Variants in PCDHGB1 observed in about 807,000 individuals in gnomAD.
The protein encoded by PCDHGB1 is protocadherin gamma-B1.
Under a neutral mutation model 56.6 loss-of-function variants are expected in PCDHGB1, and 34 were observed. The ratio of observed to expected loss-of-function variants is 0.60; its 90% CI spans 0.46 to 0.80. The LOEUF is 0.80. Ranked by LOEUF, PCDHGB1 falls within the 30% of genes least tolerant of loss-of-function variation. PCDHGB1 has a pLI of 0.00. For synonymous variants in PCDHGB1, 561 were observed against 505.9 expected (o/e 1.11, Z -1.46); for missense variants, 1,278 against 1,204.6 (o/e 1.06, Z -0.90).
intron 1 of PCDHGB1, chr5:141,392,075 TG>T (rs2092461871): frequency 6.6e-6 from 1 of 152,236 alleles, no homozygotes. Context: ...GTAATTCAAG[TG>T]GCATTTAGAA....
chr5:141,372,491 C>A (rs1413236125), intron 1 of PCDHGB1: 2 of 1,613,944 alleles, frequency 1.2e-6, no homozygotes, highest in Non-Finnish European at 1.7e-6. Flanking sequence ...TGGCCTTGAT[C>A]TCAGTGCTCT....
chr5:141,399,515 C>A, intron 1 of PCDHGB1: 13 of 1,614,040 alleles, frequency 8.1e-6, no homozygotes, highest in Non-Finnish European at 1.1e-5. Flanking sequence ...AACAACCCTC[C>A]TGGGGCCTCC....
intron 1 of PCDHGB1, chr5:141,399,654 G>A (rs2093857278): frequency 1.2e-6 from 2 of 1,613,586 alleles, no homozygotes. Flanking sequence ...AAAGTGGGGT[G>A]GTGTTCGCGC....
chr5:141,451,205 C>G (rs1023049434), intron 1 of PCDHGB1, among the ~76,000 whole-genome samples: 2 of 152,142 alleles, frequency 1.3e-5, no homozygotes, highest in African/African-American at 4.8e-5. Flanking sequence ...TATCCCAAAA[C>G]TTAGTGGCTT....
At chr5:141,354,157 A>C (rs977165486) in intron 1 of PCDHGB1, among the ~76,000 whole-genome samples, 1 of 152,244 alleles carries the variant, frequency 6.6e-6, no homozygotes, top group African/African-American at 2.4e-5. Context: ...TGTCATGTGA[A>C]AAAATCACTA....
chr5:141,487,467 T>C lies in PCDHGB1; in HGVS notation c.2410-7340T>C. ...GATGACCCTATCAAGTTTGTTGATG[T>C]GGGAGGCCACTCTCATGGCTGTACA... On this transcript the variant is annotated intron_variant, in intron 1 of 3. Transcript: ENST00000523390. The surrounding 1 kb of genome is among the most constrained non-coding windows in gnomAD (Gnocchi z 5.0). 6.2e-7 allele frequency: 1 copy of C among 1,614,186 alleles called. No individual in the cohort carries two copies. The highest frequency in any genetic ancestry group is 8.5e-7 in the Non-Finnish European group (1 of 1,180,026).
At chr5:141,356,392 T>C (rs1760208975) in intron 1 of PCDHGB1, 1 of 1,577,696 alleles carries the variant, frequency 6.3e-7, no homozygotes, top group Non-Finnish European at 8.6e-7. Context: ...TGAAAAGACC[T>C]ATGGAAATTA....
intron 1 of PCDHGB1, chr5:141,361,490 T>C (rs775139870): frequency 6.2e-7 from 1 of 1,613,998 alleles, no homozygotes; most frequent in Non-Finnish European, 8.5e-7. Context: ...GCCCCAGTTT[T>C]CCAACAGACT....
chr5:141,393,480 T>A (rs1026854698), intron 1 of PCDHGB1: 1 of 1,614,062 alleles, frequency 6.2e-7, no homozygotes, highest in Non-Finnish European at 8.5e-7. Context: ...GCCGCCTCGC[T>A]CTAGCACAGT....
At chr5:141,447,263 C>A (rs953578064) in intron 1 of PCDHGB1, among the ~76,000 whole-genome samples, 1 of 152,116 alleles carries the variant, frequency 6.6e-6, no homozygotes, top group Non-Finnish European at 1.5e-5. Context: ...TCTCAGCCTC[C>A]CAAGTAGCTG....
In PCDHGB1 at chr5:141,477,825, C is replaced by A; in HGVS notation, c.2410-16982C>A. The A allele has an allele frequency of 2.5e-6, 4 of 1,614,174 alleles. No individual in the cohort carries two copies. The South Asian group carries it at 4.4e-5, about 18-fold the overall frequency. On this transcript the variant is annotated intron_variant, in intron 1 of 3. Transcript: ENST00000523390. This position sits in a 1 kb window ranked among gnomAD's most constrained non-coding sequence, Gnocchi z 4.9. ...GACAATGCCCCCCAGGTCCTATATC[C>A]TCGGCCAGGTGGGAGCTCGGTGGAG...
At chr5:141,483,854 T>C (rs2154580004) in intron 1 of PCDHGB1, among the ~76,000 whole-genome samples, 1 of 152,236 alleles carries the variant, frequency 6.6e-6, no homozygotes, top group South Asian at 2.1e-4. Flanking sequence ...ATTAAGAAAT[T>C]TCATGTCCAG....
Position 141,486,416 on chromosome 5 carries a change from C to G in PCDHGB1, c.2410-8391C>G. The G allele has an allele frequency of 4.3e-6, 7 of 1,614,152 alleles. No homozygotes were observed. The highest frequency in any genetic ancestry group is 5.9e-6 in the Non-Finnish European group (7 of 1,180,016). On this transcript the variant is annotated intron_variant, in intron 1 of 3. Coordinates refer to ENST00000523390, the MANE Select transcript of PCDHGB1 (RefSeq NM_018922.3). The surrounding 1 kb of genome is among the most constrained non-coding windows in gnomAD (Gnocchi z 5.0). Reference sequence around the variant, plus strand: ...CCTGGTGACTGCTGGACCCTTGGATCGAGAGGCCAAATCTAGCTATGACAT... The same window carrying G: ...CCTGGTGACTGCTGGACCCTTGGATGGAGAGGCCAAATCTAGCTATGACAT...
Position 141,432,388 on chromosome 5 carries a change from C to T in PCDHGB1, c.2410-62419C>T. The T allele has an allele frequency of 6.2e-7, 1 of 1,614,258 alleles. No homozygotes were observed. The highest frequency in any genetic ancestry group is 2.2e-5 in the East Asian group (1 of 44,892). The stretch of plus-strand genomic sequence containing the variant: ...GGGACAACGGGCACCCGCCCCTCAG[C>T]AGCAACGTGTCGTTGAGCCTGTTCG... On this transcript the variant is annotated intron_variant, in intron 1 of 3. Transcript: ENST00000523390. This position sits in a 1 kb window ranked among gnomAD's most constrained non-coding sequence, Gnocchi z 6.0.
chr5:141,403,960 G>C (rs775638627), intron 1 of PCDHGB1: 2 of 1,613,658 alleles, frequency 1.2e-6, no homozygotes, highest in African/African-American at 1.3e-5. Flanking sequence ...TGCTCATTTC[G>C]GTGGAAGATG....
At chr5:141,401,976 G>A (rs1479930250) in intron 1 of PCDHGB1, among the ~76,000 whole-genome samples, 2 of 152,062 alleles carry the variant, frequency 1.3e-5, no homozygotes, top group Admixed American at 1.3e-4. Context: ...ATTGATGAAG[G>A]ATTAAAATAG....
chr5:141,361,129 A>T (rs369568903), intron 1 of PCDHGB1: 2 of 1,613,906 alleles, frequency 1.2e-6, no homozygotes, highest in Non-Finnish European at 1.7e-6. Context: ...AGCCCACTGC[A>T]GTATCCAAGT....
intron 1 of PCDHGB1, chr5:141,383,233 G>T: frequency 6.2e-7 from 1 of 1,613,972 alleles, no homozygotes. Flanking sequence ...CCTGATGGAA[G>T]ATAAAATGAA....
intron 1 of PCDHGB1, chr5:141,415,899 G>A (rs1224954481): frequency 1.2e-6 from 1 of 869,552 alleles, no homozygotes; most frequent in Non-Finnish European, 1.6e-6. Flanking sequence ...TCCTAAGACA[G>A]ACTTCCATAC....
Sources: allele counts gnomAD v4.1 joint callset (sites outside exome capture counted in the v4.1 genomes callset), GRCh38; gene constraint gnomAD v4.1.1; non-coding constraint Gnocchi (gnomAD v3.1); transcripts MANE v1.5; gene names NCBI Gene and HGNC (gene_info 2026-07-23, HGNC 2026-07-21).